RPS6KA3: variants seen among roughly 807,000 people sequenced by gnomAD.
RPS6KA3 encodes ribosomal protein S6 kinase A3.
RPS6KA3 carries 4 observed loss-of-function variants against 67.2 expected under a neutral mutation model. The ratio of observed to expected loss-of-function variants is 0.06; its 90% CI spans 0.03 to 0.14. The LOEUF (loss-of-function observed/expected upper bound fraction) is 0.14, where lower values mean the gene tolerates loss of function less well. RPS6KA3 is among the 10% of genes least tolerant of loss of function. RPS6KA3 has a pLI of 1.00. For synonymous variants in RPS6KA3, 182 were observed against 183.7 expected (o/e 0.99, Z 0.07); for missense variants, 204 against 559.0 (o/e 0.36, Z 6.40).
intron 2 of RPS6KA3, among the ~76,000 whole-genome samples, chrX:20,230,130 G>C (rs1334716256): frequency 2.7e-5 from 3 of 112,232 alleles, no homozygotes; most frequent in African/African-American, 9.7e-5. Context: ...CCCATGCCTG[G>C]GTCCCTATGC....
chrX:20,177,565 CA>C (rs1464422293), intron 10 of RPS6KA3, among the ~76,000 whole-genome samples: 2 of 111,973 alleles, frequency 1.8e-5, no homozygotes, highest in Non-Finnish European at 3.8e-5. Context: ...TTTCATTTTT[CA>C]AAATTTTGCA....
intron 14 of RPS6KA3, 39 bp from the exon 15 acceptor site, chrX:20,172,910 C>T (rs375439069): frequency 8.6e-6 from 10 of 1,157,490 alleles, no homozygotes; most frequent in Non-Finnish European, 1.2e-5. Context: ...TCCCATAATG[C>T]CTTTAGTGCA....
At chrX:20,194,518 A>G (rs1464314979) in intron 5 of RPS6KA3, among the ~76,000 whole-genome samples, 1 of 111,471 alleles carries the variant, frequency 9.0e-6, no homozygotes, top group East Asian at 2.8e-4. Flanking sequence ...AACCCATGAT[A>G]CATAAGAAAA....
At chrX:20,197,899 T>C (rs1156896932) in intron 4 of RPS6KA3, among the ~76,000 whole-genome samples, 6 of 112,027 alleles carry the variant, frequency 5.4e-5, no homozygotes, top group Admixed American at 9.5e-5. Context: ...TTTTTTCTTC[T>C]AGAGTAGTTA....
intron 2 of RPS6KA3, among the ~76,000 whole-genome samples, chrX:20,223,857 C>T (rs2069045412): frequency 8.9e-6 from 1 of 111,821 alleles, no homozygotes; most frequent in African/African-American, 3.2e-5. Context: ...TGTGTTTTCC[C>T]TTGTTTTCTA....
chrX:20,232,683 T>C (rs751092880), intron 2 of RPS6KA3, among the ~76,000 whole-genome samples: 1 of 111,907 alleles, frequency 8.9e-6, no homozygotes, highest in Non-Finnish European at 1.9e-5. Flanking sequence ...AGATACATAA[T>C]AGACATGGAG....
At chrX:20,199,790 A>C (rs2068375578) in intron 4 of RPS6KA3, among the ~76,000 whole-genome samples, 1 of 112,306 alleles carries the variant, frequency 8.9e-6, no homozygotes. Context: ...GCTTACACAC[A>C]AAGGACTGGG....
chrX:20,253,252 G>T (rs1330892227), intron 1 of RPS6KA3, among the ~76,000 whole-genome samples: 2 of 107,133 alleles, frequency 1.9e-5, no homozygotes, highest in African/African-American at 6.8e-5. Context: ...GTGGGGTGGG[G>T]TTTTTCTGAT....
At chrX:20,158,387 A>AAAGAGAG (rs1406774782) in intron 20 of RPS6KA3, among the ~76,000 whole-genome samples, 2 of 97,404 alleles carry the variant, frequency 2.1e-5, no homozygotes, top group African/African-American at 8.5e-5. Context: ...AAAAAAAAAA[A>AAAGAGAG]AGAGAGAGAG....
In RPS6KA3 at chrX:20,195,144, A is replaced by T. The variant is rs377321850; in HGVS notation, c.327T>A (p.Val109=). The change falls in exon 5 of 22, where the codon GTT becomes GTA. Residue 109 remains valine (V), a splice_region_variant and synonymous_variant. Transcript: ENST00000379565. The part of the protein sequence containing the change: ...MKVLKKATLK[V]RDRVRTKMER... ...CCATTTTTGTCCGAACTCGGTCTCGAACTATAAAAGATTGTATGTATGCTA... is the reference window on the plus strand; with the variant it reads ...CCATTTTTGTCCGAACTCGGTCTCGTACTATAAAAGATTGTATGTATGCTA... 4.4e-6 allele frequency: 5 copies of T among 1,145,751 alleles called. No individual in the cohort carries two copies. In the African/African-American group the frequency reaches 7.1e-5, roughly 16 times the overall value. The allele number at this position is 1,145,751 out of a possible 1,213,427, so 94.4% of individuals were successfully genotyped here.
At chrX:20,212,359 G>T (rs186338828) in intron 2 of RPS6KA3, among the ~76,000 whole-genome samples, 1 of 110,632 alleles carries the variant, frequency 9.0e-6, no homozygotes, top group East Asian at 2.8e-4. Context: ...TTAGCTGGGC[G>T]TGGTGGTGGG....
At chrX:20,183,531 T>C in intron 10 of RPS6KA3, among the ~76,000 whole-genome samples, 1 of 112,155 alleles carries the variant, frequency 8.9e-6, no homozygotes, top group Non-Finnish European at 1.9e-5. Flanking sequence ...ATTCTTTCCC[T>C]ACTGCTCTGA....
intron 20 of RPS6KA3, among the ~76,000 whole-genome samples, chrX:20,161,268 C>T (rs969580472): frequency 9.0e-6 from 1 of 111,643 alleles, no homozygotes; most frequent in African/African-American, 3.3e-5. Flanking sequence ...ACTAACATTC[C>T]GGGCTCTGGT....
chrX:20,234,469 C>T (rs918270252), intron 2 of RPS6KA3, among the ~76,000 whole-genome samples: 8 of 111,596 alleles, frequency 7.2e-5, no homozygotes, highest in Admixed American at 9.5e-5. Flanking sequence ...GAACAAAACT[C>T]CATCTCAAAA....
At chrX:20,233,855 A>G (rs2069338364) in intron 2 of RPS6KA3, among the ~76,000 whole-genome samples, 1 of 112,910 alleles carries the variant, frequency 8.9e-6, no homozygotes, top group Non-Finnish European at 1.9e-5. Context: ...AACAAGTTGC[A>G]GAATATGTAT....
At chrX:20,213,545 A>T (rs1157454069) in intron 2 of RPS6KA3, among the ~76,000 whole-genome samples, 1 of 110,852 alleles carries the variant, frequency 9.0e-6, no homozygotes, top group East Asian at 2.8e-4. Flanking sequence ...ACTTCTTCCC[A>T]TTTGCTGCTA....
chrX:20,210,045 T>C (rs1440079521), intron 2 of RPS6KA3, among the ~76,000 whole-genome samples: 5 of 111,881 alleles, frequency 4.5e-5, no homozygotes, highest in Non-Finnish European at 9.4e-5. Flanking sequence ...AACATTTGGA[T>C]GGATAATCAG....
intron 3 of RPS6KA3, among the ~76,000 whole-genome samples, chrX:20,204,671 C>T (rs764174243): frequency 2.3e-4 from 26 of 112,038 alleles, no homozygotes; most frequent in African/African-American, 8.1e-4. Flanking sequence ...GAGGCCAAGG[C>T]GGGTGGATCA....
At chrX:20,261,921 T>G (rs1024870775) in intron 1 of RPS6KA3, among the ~76,000 whole-genome samples, 2 of 112,110 alleles carry the variant, frequency 1.8e-5, no homozygotes, top group African/African-American at 6.5e-5. Flanking sequence ...GTATTACAAT[T>G]TAGATACTTG....
Sources: gnomAD v4.1 joint callset for allele counts (sites outside exome capture counted in the v4.1 genomes callset) on GRCh38, gnomAD v4.1.1 for gene constraint, MANE v1.5 for transcripts, NCBI Gene and HGNC (gene_info 2026-07-23, HGNC 2026-07-21) for gene names.